Variants in ARHGEF3 observed in about 807,000 individuals in gnomAD.
The protein encoded by ARHGEF3 is Rho guanine nucleotide exchange factor 3.
Under a neutral mutation model 63.2 loss-of-function variants are expected in ARHGEF3, and 28 were observed. The observed-to-expected ratio is 0.44, with a 90% CI of 0.33 to 0.61. The LOEUF is 0.61. ARHGEF3 is among the 20% of genes least tolerant of loss of function. The pLI is 0.03. For synonymous variants in ARHGEF3, 266 were observed against 254.2 expected (o/e 1.05, Z -0.44); for missense variants, 533 against 659.3 (o/e 0.81, Z 2.10).
chr3:57,002,462 C>CTATATATATATATATTTTATATATATATA (rs1165862414), intron 2 of ARHGEF3, among the ~76,000 whole-genome samples: 1 of 38,686 alleles, frequency 2.6e-5, no homozygotes, highest in Non-Finnish European at 4.5e-5. Flanking sequence ...GTTCTAAGCA[C>CTATATATATATATATTTTATATATATATA]TATATATATA....
rs560512226 is a variant in ARHGEF3 at position 57,024,942 on chromosome 3, T to C, written c.62+10146A>G. On this transcript the variant is annotated intron_variant, in intron 2 of 12. Coordinates refer to the ARHGEF3 transcript ENST00000338458. ...AACACCAGCATGGGTTATCCTGACG[T>C]TGGAGTGATGTCACCCACGAGGGCC... Among the ~76,000 whole-genome samples, 19 of 152,296 alleles carry C rather than the reference T, an allele frequency of 1.2e-4. No homozygotes were observed. The East Asian group carries it at 3.5e-3, about 28-fold the overall frequency.
chr3:56,782,816 G>GT (rs755770409), intron 1 of ARHGEF3, among the ~76,000 whole-genome samples: 2 of 152,154 alleles, frequency 1.3e-5, no homozygotes, highest in African/African-American at 2.4e-5. Context: ...CTCTTGCCCC[G>GT]TCTCATGGAA....
At chr3:56,870,842 T>C (rs2040411759) in intron 4 of ARHGEF3, among the ~76,000 whole-genome samples, 3 of 152,192 alleles carry the variant, frequency 2.0e-5, no homozygotes, top group Middle Eastern at 6.8e-3. Flanking sequence ...ATTCCTCCTT[T>C]TGCTTTCGGA....
At chr3:57,069,940 T>C (rs1291131631) in intron 1 of ARHGEF3, among the ~76,000 whole-genome samples, 1 of 152,260 alleles carries the variant, frequency 6.6e-6, no homozygotes, top group Non-Finnish European at 1.5e-5. Flanking sequence ...CCACTGCGCC[T>C]GGCCTAAACT....
chr3:56,901,381 T>C (rs899379799), intron 3 of ARHGEF3, among the ~76,000 whole-genome samples: 1 of 136,982 alleles, frequency 7.3e-6, no homozygotes, highest in Non-Finnish European at 1.5e-5. Context: ...TGTATATGTA[T>C]ATGTATATGT....
intron 2 of ARHGEF3, among the ~76,000 whole-genome samples, chr3:57,019,440 G>A (rs1298705091): frequency 2.0e-5 from 3 of 152,116 alleles, no homozygotes; most frequent in Non-Finnish European, 4.4e-5. Context: ...AGATGAGGAG[G>A]GGAGGGAAAG....
intron 3 of ARHGEF3, among the ~76,000 whole-genome samples, chr3:56,924,973 T>C (rs984161951): frequency 1.3e-5 from 2 of 152,352 alleles, no homozygotes; most frequent in Admixed American, 1.3e-4. Flanking sequence ...CCTACCTGGC[T>C]AGCTTTGGGG....
intron 2 of ARHGEF3, among the ~76,000 whole-genome samples, chr3:56,962,105 T>C (rs1700305839): frequency 6.6e-6 from 1 of 152,126 alleles, no homozygotes; most frequent in African/African-American, 2.4e-5. Flanking sequence ...TCCTGATAAT[T>C]TCCTCCTTCT....
rs540719453 is a variant in ARHGEF3 at position 56,997,557 on chromosome 3, C to T, written c.62+37531G>A. Among the ~76,000 whole-genome samples, 4 of 152,316 alleles carry T rather than the reference C, an allele frequency of 2.6e-5. No individual in the cohort carries two copies. The South Asian group carries it at 8.3e-4, about 32-fold the overall frequency. ...CTGGGCAAAAGTGGGGTCTGGCAGC[C>T]TCTCCATAAACAGGGCTGACTCCGC... On this transcript the variant is annotated intron_variant, in intron 2 of 12. Coordinates refer to the ARHGEF3 transcript ENST00000338458.
intron 1 of ARHGEF3, among the ~76,000 whole-genome samples, chr3:56,800,704 C>T (rs887671706): frequency 3.3e-5 from 5 of 152,162 alleles, no homozygotes; most frequent in African/African-American, 9.7e-5. Flanking sequence ...CTGCCTTCAG[C>T]CTTTCCCCAG....
intron 1 of ARHGEF3, among the ~76,000 whole-genome samples, chr3:57,055,092 T>G (rs767409590): frequency 6.6e-5 from 10 of 152,164 alleles, no homozygotes; most frequent in Non-Finnish European, 1.3e-4. Context: ...CTTTTCCCTC[T>G]CTTAATGGTG....
intron 1 of ARHGEF3, among the ~76,000 whole-genome samples, chr3:57,056,107 G>A (rs1368518687): frequency 6.6e-6 from 1 of 152,104 alleles, no homozygotes; most frequent in Non-Finnish European, 1.5e-5. Flanking sequence ...GGGAGCAGAG[G>A]CCGGGTGCGG....
intron 2 of ARHGEF3, among the ~76,000 whole-genome samples, chr3:57,014,192 C>G (rs529383862): frequency 7.9e-4 from 120 of 152,214 alleles, no homozygotes; most frequent in Non-Finnish European, 1.4e-3. Flanking sequence ...ACGAACCCAC[C>G]AGAAGGAAAA....
chr3:57,042,696 A>ATTTTTT (rs1560156436), intron 1 of ARHGEF3, among the ~76,000 whole-genome samples: 5 of 33,528 alleles, frequency 1.5e-4, no homozygotes, highest in Non-Finnish European at 2.0e-4. Context: ...ATATATATAT[A>ATTTTTT]TATATTTTTT....
rs567188765 is a variant in ARHGEF3 at position 56,736,018 on chromosome 3, C to T, written c.1041+1167G>A. On this transcript the variant is annotated intron_variant, in intron 8 of 9. Transcript: ENST00000296315. ...AATACAATCAAAATGCAGAGTCTCT[C>T]TCCCAATGGCTATCTCAACACAGAA... Among the ~76,000 whole-genome samples, 293 of 151,738 alleles carry T rather than the reference C, an allele frequency of 1.9e-3. 1 individual carries two copies. The highest frequency in any genetic ancestry group is 2.7e-3 in the South Asian group (13 of 4,816).
At chr3:56,870,642 A>G (rs1175831563) in intron 4 of ARHGEF3, among the ~76,000 whole-genome samples, 2 of 152,208 alleles carry the variant, frequency 1.3e-5, no homozygotes, top group South Asian at 2.1e-4. Context: ...TGATGTGTCA[A>G]TGGAGGTTCA....
intron 2 of ARHGEF3, among the ~76,000 whole-genome samples, chr3:57,006,814 A>C (rs1157509893): frequency 6.6e-6 from 1 of 152,164 alleles, no homozygotes; most frequent in Non-Finnish European, 1.5e-5. Context: ...ATGAACCAGC[A>C]TCTCCCTTGG....
chr3:56,857,918 G>A (rs1269170457), intron 4 of ARHGEF3, among the ~76,000 whole-genome samples: 2 of 152,110 alleles, frequency 1.3e-5, no homozygotes, highest in Admixed American at 1.3e-4. Context: ...ACTGCATCCA[G>A]TTCTGGCACC....
intron 4 of ARHGEF3, among the ~76,000 whole-genome samples, chr3:56,811,369 G>C (rs1341996086): frequency 1.3e-5 from 2 of 152,098 alleles, no homozygotes; most frequent in South Asian, 4.2e-4. Flanking sequence ...CCTAGGGCTG[G>C]GGCTGGGGCA....
Sources: gnomAD v4.1 joint callset for allele counts (sites outside exome capture counted in the v4.1 genomes callset) on GRCh38, gnomAD v4.1.1 for gene constraint, MANE v1.5 for transcripts, NCBI Gene and HGNC (gene_info 2026-07-23, HGNC 2026-07-21) for gene names.